The following TMEM67 variants were observed in gnomAD, a reference collection of about 807,000 sequenced individuals.
The protein encoded by TMEM67 is transmembrane protein 67.
TMEM67 carries 124 observed loss-of-function variants against 136.6 expected under a neutral mutation model. That is an observed-to-expected ratio of 0.91 (90% confidence interval 0.78 to 1.05). The LOEUF (loss-of-function observed/expected upper bound fraction) is 1.05. TMEM67 is among the 50% of genes least tolerant of loss of function. The pLI is 0.00. For synonymous variants in TMEM67, 364 were observed against 390.5 expected, an observed-to-expected ratio of 0.93 and a Z score of 0.80; for missense variants, 1,107 against 1,178.4, an observed-to-expected ratio of 0.94 and a Z score of 0.89.
chr8:93,796,960 G>GT (rs1396285984), intron 18 of TMEM67, among the ~76,000 whole-genome samples, 174 bp from the exon 19 acceptor site: 3 of 152,138 alleles, frequency 2.0e-5, no homozygotes, highest in Admixed American at 6.5e-5. Flanking sequence ...ATGATTCCAG[G>GT]TTATCTGATG....
chr8:93,782,514 G>A (rs1813885739), intron 11 of TMEM67, 54 bp downstream of exon 11: 2 of 1,350,524 alleles, frequency 1.5e-6, no homozygotes, highest in South Asian at 1.2e-5. Flanking sequence ...AAAATATCAT[G>A]TCAGCAGTAA....
intron 6 of TMEM67, among the ~76,000 whole-genome samples, chr8:93,769,275 A>G (rs775843073): frequency 1.3e-5 from 2 of 152,234 alleles, no homozygotes; most frequent in Non-Finnish European, 2.9e-5. Context: ...GCTGCCTCAG[A>G]GGACCCCCCA....
At chr8:93,815,253 A>G in intron 26 of TMEM67, 52 bp from the exon 27 acceptor site, 4 of 1,305,288 alleles carry the variant, frequency 3.1e-6, no homozygotes, top group Non-Finnish European at 4.2e-6. Context: ...TTTATCACAG[A>G]CTTGTTCCTT....
rs1320541151 is a variant in TMEM67, at chr8:93,815,445, G to C, written c.2905G>C (p.Glu969Gln). The C allele has an allele frequency of 6.2e-7, 1 of 1,611,470 alleles. No individual in the cohort carries two copies. Among genetic ancestry groups the C allele is most frequent in the Non-Finnish European group, 8.5e-7 (1 of 1,179,328 alleles). Reference sequence around the variant, plus strand: ...ATCCTTCCTTACATATCTACAACAAGAGGTAAACTTTTAAAATTTTTCTAC... The same window carrying C: ...ATCCTTCCTTACATATCTACAACAACAGGTAAACTTTTAAAATTTTTCTAC... ...LASFLTYLQQ[E>Q]IFRYIRNTVG... The change falls in exon 27 of 28, where the codon GAG becomes CAG. Residue 969 changes from glutamate to glutamine, a missense_variant and splice_region_variant. Physicochemically the swap from Glu to Gln is conservative, Grantham distance 29 (BLOSUM62 2). This residue lies in a region of TMEM67 where 925 missense variants were observed against 1,002.4 expected (regional missense o/e 0.92). Coordinates refer to ENST00000453321, the MANE Select transcript of TMEM67 (RefSeq NM_153704.6).
rs142659611 is a variant in TMEM67 at position 93,765,827 on chromosome 8, C to T, written c.651+181C>T. The stretch of plus-strand genomic sequence containing the variant: ...ATAATTTCTAAGTACAGTACTCAGT[C>T]TGTACCGTAGCCTGTTTGTTTTTCA... On this transcript the variant is annotated intron_variant, in intron 6 of 27. Coordinates refer to ENST00000453321, the MANE Select transcript of TMEM67 (RefSeq NM_153704.6). Among the ~76,000 whole-genome samples the T allele has an allele frequency of 4.8e-3, 738 of 152,234 alleles. 8 individuals are homozygous for T. Among genetic ancestry groups the T allele is most frequent in the South Asian group, 0.045 (218 of 4,824 alleles).
At chr8:93,785,757 A>C (rs1292229171) in intron 12 of TMEM67, 2 of 207,770 alleles carry the variant, frequency 9.6e-6, no homozygotes, top group Non-Finnish European at 1.9e-5. Flanking sequence ...AAAGCCTTCC[A>C]AATTTATGAA....
chr8:93,809,971 C>CTTTTTT, intron 26 of TMEM67, 84 bp downstream of exon 26: 2 of 588,704 alleles, frequency 3.4e-6, no homozygotes, highest in Non-Finnish European at 5.7e-6. Flanking sequence ...TTCTTTTTTT[C>CTTTTTT]TTTTTTTTTT....
intron 21 of TMEM67, 143 bp downstream of exon 21, chr8:93,799,901 GTTCTT>G: frequency 4.6e-6 from 2 of 430,208 alleles, no homozygotes; most frequent in South Asian, 2.5e-5. Flanking sequence ...CTAATGGTCA[GTTCTT>G]TTTTTTTTTT....
In TMEM67 at chr8:93,808,906, T is replaced by A; in HGVS notation, c.2506T>A (p.Ser836Thr). ...TDGQTFEIAI[S>T]NQMRQHYDRI... Reference sequence around the variant, plus strand: ...TGGTCAGACTTTTGAGATTGCAATTTCTAACCAGATGAGACAACATTATGA... The same window carrying A: ...TGGTCAGACTTTTGAGATTGCAATTACTAACCAGATGAGACAACATTATGA... Residue 836 changes from serine to threonine, a missense_variant, in exon 24 of 28, where the codon TCT becomes ACT. Coordinates refer to ENST00000453321, the MANE Select transcript of TMEM67 (RefSeq NM_153704.6). 1 of 1,613,032 alleles carries A rather than the reference T, an allele frequency of 6.2e-7. No homozygotes were observed. The highest frequency in any genetic ancestry group is 8.5e-7 in the Non-Finnish European group (1 of 1,179,186).
chr8:93,818,332 TG>T (rs1474750550), downstream of TMEM67, among the ~76,000 whole-genome samples: 1 of 152,212 alleles, frequency 6.6e-6, no homozygotes, highest in East Asian at 1.9e-4. Context: ...CTTTATAAGC[TG>T]TTGTGTACTT....
At chr8:93,755,751 C>CTGTTT in intron 1 of TMEM67, 27 bp from the exon 2 acceptor site, 1 of 632,466 alleles carries the variant, frequency 1.6e-6, no homozygotes. Context: ...ATAAAATTGG[C>CTGTTT]TTTTTTTTTT....
the TMEM67 span, among the ~76,000 whole-genome samples, chr8:93,831,442 C>T: frequency 6.6e-6 from 1 of 152,182 alleles, no homozygotes; most frequent in African/African-American, 2.4e-5. Context: ...AGAAAAATAA[C>T]AGCTGACGAT....
intron 6 of TMEM67, among the ~76,000 whole-genome samples, chr8:93,770,614 T>G (rs1813287091): frequency 6.6e-6 from 1 of 152,178 alleles, no homozygotes. Context: ...TTAGACTCAG[T>G]GAAACATATT....
At chr8:93,826,198 C>T in the TMEM67 span, among the ~76,000 whole-genome samples, 1 of 123,260 alleles carries the variant, frequency 8.1e-6, no homozygotes, top group Non-Finnish European at 1.6e-5. Flanking sequence ...GGCGCTATCT[C>T]GGCTCATTGC....
At chr8:93,799,027 T>G (rs1255884358) in intron 20 of TMEM67, among the ~76,000 whole-genome samples, 3 of 151,498 alleles carry the variant, frequency 2.0e-5, no homozygotes, top group African/African-American at 7.3e-5. Flanking sequence ...GTGAAAAAGT[T>G]TTATGGTCAA....
chr8:93,775,142 G>T (rs779720912), intron 7 of TMEM67, among the ~76,000 whole-genome samples: 1 of 152,214 alleles, frequency 6.6e-6, no homozygotes, highest in Admixed American at 6.5e-5. Flanking sequence ...TCTGTTGGCT[G>T]CATAAATGTC....
intron 22 of TMEM67, among the ~76,000 whole-genome samples, chr8:93,804,126 C>A (rs189073757): frequency 6.6e-6 from 1 of 151,898 alleles, no homozygotes; most frequent in Admixed American, 6.5e-5. Context: ...GGTGATCCAG[C>A]CTCCCCAAGT....
At chr8:93,782,564 A>G in intron 11 of TMEM67, 104 bp downstream of exon 11, 1 of 583,214 alleles carries the variant, frequency 1.7e-6, no homozygotes, top group Non-Finnish European at 2.8e-6. Flanking sequence ...GAAATTTTTT[A>G]TTCTTGGTTT....
chr8:93,766,957 A>T (rs930509341), intron 6 of TMEM67, among the ~76,000 whole-genome samples: 2 of 152,184 alleles, frequency 1.3e-5, no homozygotes, highest in African/African-American at 4.8e-5. Context: ...ATGATTATTA[A>T]ATTTGCAGGC....
Sources: gnomAD v4.1 joint callset for allele counts (sites outside exome capture counted in the v4.1 genomes callset) on GRCh38, gnomAD v4.1.1 for gene constraint, gnomAD v4.1.1 regional missense constraint, MANE v1.5 for transcripts, NCBI Gene and HGNC (gene_info 2026-07-23, HGNC 2026-07-21) for gene names.